Variants in RALGDS observed in about 807,000 individuals in gnomAD.
RALGDS encodes the protein ral guanine nucleotide dissociation stimulator.
A neutral mutation model predicts 99.8 loss-of-function variants in RALGDS; 44 were observed. The observed-to-expected ratio is 0.44, with a 90% CI of 0.35 to 0.57. The LOEUF (loss-of-function observed/expected upper bound fraction) is 0.57, where lower values mean the gene tolerates loss of function less well. RALGDS is among the 20% of genes least tolerant of loss of function. RALGDS has a pLI of 0.01. For missense variants in RALGDS, 1,022 were observed against 1,203.1 expected, an observed-to-expected ratio of 0.85 and a Z score of 2.23; for synonymous variants, 529 against 505.0, an observed-to-expected ratio of 1.05 and a Z score of -0.64.
In RALGDS at chr9:133,103,225, C is replaced by T; in HGVS notation, c.1791+5G>A. The T allele has an allele frequency of 6.2e-7, 1 of 1,613,902 alleles. No homozygotes were observed. ...CCCAAGTCAGGGCTGCCTGCAGCTG[C>T]TTACCTTCCTCCTCTTCTCAAAGTT... is the stretch of plus-strand genomic sequence containing the variant. On this transcript the variant is annotated splice_donor_5th_base_variant and intron_variant, in intron 12 of 17. Coordinates refer to ENST00000372050, the MANE Select transcript of RALGDS (RefSeq NM_006266.4).
At position 133,100,392 on chromosome 9, in the gene RALGDS, G is replaced by C; in HGVS notation, c.2455-10C>G. The C allele has an allele frequency of 6.2e-7, 1 of 1,613,806 alleles. No individual in the cohort carries two copies. The highest frequency in any genetic ancestry group is 8.5e-7 in the Non-Finnish European group (1 of 1,179,732). The stretch of plus-strand genomic sequence containing the variant: ...TATCTTGGCTGGTCACCTGCATCGC[G>C]GCGGGGGATGGACCATCAGGGAAAA... On this transcript the variant is annotated splice_polypyrimidine_tract_variant and intron_variant, in intron 16 of 17. Coordinates refer to ENST00000372050, the MANE Select transcript of RALGDS (RefSeq NM_006266.4).
At chr9:133,123,398 T>C (rs1462595936), upstream of RALGDS, among the ~76,000 whole-genome samples, 2 of 152,184 alleles carry the variant, frequency 1.3e-5, no homozygotes, top group Non-Finnish European at 2.9e-5. Context: ...TATTCTGGCC[T>C]TGAAGGTCCT....
chr9:133,119,924 C>T (rs991290801), intron 1 of RALGDS, among the ~76,000 whole-genome samples: 1 of 152,210 alleles, frequency 6.6e-6, no homozygotes, highest in Non-Finnish European at 1.5e-5. Context: ...CGCCAGCAAT[C>T]ACAACGCGCC....
rs922253711 is a variant in RALGDS at position 133,102,205 on chromosome 9, C to T, written c.2010-66G>A. ...ACACATCCCAACCCCACAGCCCCTGCACCCTGCGCCCAAGGACTGTGCAAA... is the reference window on the plus strand; with the variant it reads ...ACACATCCCAACCCCACAGCCCCTGTACCCTGCGCCCAAGGACTGTGCAAA... On this transcript the variant is annotated intron_variant, in intron 14 of 17. Coordinates refer to ENST00000372050, the MANE Select transcript of RALGDS (RefSeq NM_006266.4). 3.4e-6 allele frequency: 5 copies of T among 1,491,112 alleles called. No individual in the cohort carries two copies. In the South Asian group the frequency reaches 4.9e-5, roughly 15 times the overall value. The allele number at this position is 1,491,112 out of a possible 1,614,324, so 92.4% of individuals were successfully genotyped here. A position where few individuals can be genotyped will look rare whatever the true frequency, so the allele number is the denominator to read the frequency against.
chr9:133,109,941 C>CAGAT (rs1034640928), intron 3 of RALGDS, among the ~76,000 whole-genome samples: 6 of 152,330 alleles, frequency 3.9e-5, no homozygotes, highest in African/African-American at 1.4e-4. Flanking sequence ...CAACAGCCCC[C>CAGAT]AGATAGAATC....
rs1217118515 is a variant in RALGDS at position 133,121,024 on chromosome 9, G to A, written c.131C>T (p.Pro44Leu). The A allele has an allele frequency of 4.0e-6, 6 of 1,496,528 alleles. No homozygotes were observed. The highest frequency in any genetic ancestry group is 2.1e-4 in the Middle Eastern group (1 of 4,756). The allele number at this position is 1,496,528 out of a possible 1,614,324, so 92.7% of individuals were successfully genotyped here. ...RLEVGVPDSC[P>L]VVLHSFTQLD... ...CTGCGTGAAGCTGTGCAGCACCACC[G>A]GGCAGCTGTCGGGGACGCCCACCTC... is the stretch of plus-strand genomic sequence containing the variant. The change falls in exon 1 of 18, where the codon CCG becomes CTG. Residue 44 changes from proline to leucine, a missense_variant. Around this residue, in one of 3 missense-constraint regions of RALGDS, gnomAD observed 180 missense variants for 169.3 expected, o/e 1.06. Coordinates refer to ENST00000372050, the MANE Select transcript of RALGDS (RefSeq NM_006266.4).
At chr9:133,127,212 C>T (rs1328863642) in intron 1 of RALGDS, among the ~76,000 whole-genome samples, 1 of 152,260 alleles carries the variant, frequency 6.6e-6, no homozygotes, top group African/African-American at 2.4e-5. Context: ...ACGCAGGGCC[C>T]CAGACAGTGG....
chr9:133,105,578 C>T lies in RALGDS; in HGVS notation c.1602+354G>A, dbSNP rs548734089. On this transcript the variant is annotated intron_variant, in intron 9 of 17. Transcript: ENST00000372050. Reference sequence around the variant, plus strand: ...CTGGCCTCCCGGGGACAGACTGGGCCGGTGTGGGGGCAGGAGCCGCATCCC... The same window carrying T: ...CTGGCCTCCCGGGGACAGACTGGGCTGGTGTGGGGGCAGGAGCCGCATCCC... Among the ~76,000 whole-genome samples, 468 of 152,116 alleles carry T rather than the reference C, an allele frequency of 3.1e-3. 2 individuals are homozygous for T. The highest frequency in any genetic ancestry group is 0.01 in the African/African-American group (423 of 41,472).
At position 133,099,943 on chromosome 9, in the gene RALGDS, CAT is replaced by C. The variant is rs140654940; in HGVS notation, c.2569+323_2569+324del. 1,707 of 400,216 alleles carry C rather than the reference CAT, an allele frequency of 4.3e-3. 13 individuals are homozygous for C. Among genetic ancestry groups the C allele is most frequent in the African/African-American group, 0.03 (1,489 of 49,086 alleles). 24.8% of individuals were successfully genotyped at this position (400,216 alleles called of 1,614,324 possible). A position where few individuals can be genotyped will look rare whatever the true frequency, so the allele number is the denominator to read the frequency against. On this transcript the variant is annotated intron_variant, in intron 17 of 17. Transcript: ENST00000372050. ...AGCTGTCACCATTCTTTGTAGAGCACATGTTTTCTTGTCTTAGCCAGAAAGAG... is the reference window on the plus strand; with the variant it reads ...AGCTGTCACCATTCTTTGTAGAGCACGTTTTCTTGTCTTAGCCAGAAAGAG...
Position 133,104,530 on chromosome 9 carries a change from T to A in RALGDS, c.1603-199A>T, listed in dbSNP as rs182373310. ...AAGTGCGGATGAGAACTCCGCCTGC[T>A]GCATGGTGCGGTGGCTCACGCCTGT... On this transcript the variant is annotated intron_variant, in intron 9 of 17. Transcript: ENST00000372050. The A allele has an allele frequency of 4.7e-4, 285 of 604,788 alleles. No homozygotes were observed. The African/African-American group carries it at 4.8e-3, about 10-fold the overall frequency. The allele number at this position is 604,788 out of a possible 1,614,324, so 37.5% of individuals were successfully genotyped here. A position where few individuals can be genotyped will look rare whatever the true frequency, so the allele number is the denominator to read the frequency against.
chr9:133,098,826 C>T (rs1040743629), intron 17 of RALGDS, 64 bp from the exon 18 acceptor site: 86 of 1,515,642 alleles, frequency 5.7e-5, no homozygotes, highest in East Asian at 2.5e-4. Context: ...ATACCCCTAC[C>T]GCTTGAGAGC....
chr9:133,107,000 G>T, intron 7 of RALGDS, 85 bp downstream of exon 7: 1 of 1,451,096 alleles, frequency 6.9e-7, no homozygotes. Flanking sequence ...GGTAGACTGG[G>T]GCCTGTACAG....
At position 133,101,917 on chromosome 9, in the gene RALGDS, G is replaced by A. The variant is rs377260213; in HGVS notation, c.2211+21C>T. ...AGTGGGGAGATGGGAAAGGATATTGGGGAGAAGGGCAGGCAGTCACCTTCT... is the reference window on the plus strand; with the variant it reads ...AGTGGGGAGATGGGAAAGGATATTGAGGAGAAGGGCAGGCAGTCACCTTCT... On this transcript the variant is annotated intron_variant, in intron 15 of 17. Transcript: ENST00000372050. The A allele has an allele frequency of 7.1e-6, 11 of 1,550,850 alleles. No homozygotes were observed. In the African/African-American group the frequency reaches 1.5e-4, roughly 21 times the overall value.
chr9:133,104,159 C>A, intron 10 of RALGDS, 104 bp downstream of exon 10: 1 of 1,223,748 alleles, frequency 8.2e-7, no homozygotes, highest in Admixed American at 1.8e-5. Context: ...CCAGAGGAGG[C>A]TACCTCTAAT....
intron 1 of RALGDS, among the ~76,000 whole-genome samples, chr9:133,120,430 C>CCT (rs1831867445): frequency 1.5e-5 from 2 of 130,758 alleles, no homozygotes; most frequent in Admixed American, 7.4e-5. Flanking sequence ...ATCCCCCGAC[C>CCT]CCCCCCCCAC....
Position 133,103,845 on chromosome 9 carries a change from G to T in RALGDS, c.1672-12C>A. The T allele has an allele frequency of 1.2e-6, 2 of 1,611,938 alleles. No homozygotes were observed. Among genetic ancestry groups the T allele is most frequent in the South Asian group, 1.1e-5 (1 of 91,050 alleles). ...CCCTGGATGATGCCCTGTGACATTGGGGTAGGAGGATGAGCAAGGCCCCTC... is the reference window on the plus strand; with the variant it reads ...CCCTGGATGATGCCCTGTGACATTGTGGTAGGAGGATGAGCAAGGCCCCTC... On this transcript the variant is annotated splice_polypyrimidine_tract_variant and intron_variant, in intron 10 of 17. Transcript: ENST00000372050.
Position 133,115,948 on chromosome 9 carries a change from G to A in RALGDS, c.184-3796C>T, listed in dbSNP as rs530308290. Among the ~76,000 whole-genome samples the A allele has an allele frequency of 2.0e-5, 3 of 152,376 alleles. No homozygotes were observed. In the South Asian group the frequency reaches 6.2e-4, roughly 32 times the overall value. On this transcript the variant is annotated intron_variant, in intron 1 of 17. Coordinates refer to ENST00000372050, the MANE Select transcript of RALGDS (RefSeq NM_006266.4). ...GCTGCTCGCTCTCTACAGAGCCCAG[G>A]CTCCTGCGACAGTGCGGGGCCCACG...
At chr9:133,121,531 C>G (rs563194114), upstream of RALGDS, among the ~76,000 whole-genome samples, 50 of 152,274 alleles carry the variant, frequency 3.3e-4, no homozygotes, top group Middle Eastern at 3.4e-3. Flanking sequence ...GGTTAGGCAC[C>G]GTTTGCGTGT....
intron 1 of RALGDS, among the ~76,000 whole-genome samples, chr9:133,146,084 G>A (rs1455785834): frequency 6.6e-6 from 1 of 152,184 alleles, no homozygotes; most frequent in Non-Finnish European, 1.5e-5. Context: ...CACCATGAAC[G>A]GGTTGAAAAT....
Sources: allele counts gnomAD v4.1 joint callset (sites outside exome capture counted in the v4.1 genomes callset), GRCh38; gene constraint gnomAD v4.1.1; regional missense constraint gnomAD v4.1.1; transcripts MANE v1.5; gene names NCBI Gene and HGNC (gene_info 2026-07-23, HGNC 2026-07-21).